UPP1: variants seen among roughly 807,000 people sequenced by gnomAD.
UPP1 encodes UPase 1.
In UPP1, 25 loss-of-function variants were observed where a neutral mutation model predicts 29.6. That is an observed-to-expected ratio of 0.85 (90% CI 0.62 to 1.18). The LOEUF is 1.18. UPP1 is among the 50% of genes most tolerant of loss of function. The probability of loss-of-function intolerance (pLI) is 0.00; values close to 1 mark genes in which losing one functional copy is unlikely to be tolerated. For synonymous variants in UPP1, 165 were observed against 159.8 expected (o/e 1.03, Z -0.25); for missense variants, 368 against 410.4 (o/e 0.90, Z 0.89).
At chr7:48,094,671 A>G in intron 2 of UPP1, 92 bp from the exon 3 acceptor site, 1 of 1,108,902 alleles carries the variant, frequency 9.0e-7, no homozygotes, top group Non-Finnish European at 1.4e-6. Context: ...ATTCCACTTC[A>G]TTGCACTGAC....
intron 2 of UPP1, among the ~76,000 whole-genome samples, chr7:48,094,418 A>G (rs1792015876): frequency 1.3e-5 from 2 of 151,998 alleles, no homozygotes; most frequent in Non-Finnish European, 1.5e-5. Flanking sequence ...GTTTCACTGT[A>G]TTGGACAGGC....
intron 2 of UPP1, among the ~76,000 whole-genome samples, chr7:48,094,120 A>G (rs1034088847): frequency 2.0e-5 from 3 of 152,156 alleles, no homozygotes; most frequent in Non-Finnish European, 4.4e-5. Context: ...AGATGGCACC[A>G]CTGCACTCCA....
rs1412409644 is a variant in UPP1, at chr7:48,108,081, C to T, written c.794-137C>T. Reference sequence around the variant, plus strand: ...CCTCCCGCACTCCATCCTCCGGCCCCGCCTGACTGCATGGGCAGCCTGGTT... The same window carrying T: ...CCTCCCGCACTCCATCCTCCGGCCCTGCCTGACTGCATGGGCAGCCTGGTT... On this transcript the variant is annotated intron_variant, in intron 8 of 8. Transcript: ENST00000395564. 8.3e-6 allele frequency: 11 copies of T among 1,322,368 alleles called. No individual in the cohort carries two copies. The South Asian group carries it at 8.6e-5, about 10-fold the overall frequency. 81.9% of individuals were successfully genotyped at this position (1,322,368 alleles called of 1,614,324 possible). A position where few individuals can be genotyped will look rare whatever the true frequency, so the allele number is the denominator to read the frequency against.
chr7:48,106,919 C>G lies in UPP1; in HGVS notation c.483C>G (p.Thr161=), dbSNP rs546031012. 18 of 1,613,706 alleles carry G rather than the reference C, an allele frequency of 1.1e-5. No individual in the cohort carries two copies. The African/African-American group carries it at 1.3e-4, about 12-fold the overall frequency. The change falls in exon 7 of 9, where the codon ACC becomes ACG. Residue 161 remains threonine, a synonymous_variant. Transcript: ENST00000395564. ...TVVITEQAVD[T]CFKAEFEQIV... is the part of the protein sequence containing the mutation. ...TCATAACAGAGCAGGCAGTGGATACCTGCTTCAAGGCAGAGTTTGAGCAGA... is the reference window on the plus strand; with the variant it reads ...TCATAACAGAGCAGGCAGTGGATACGTGCTTCAAGGCAGAGTTTGAGCAGA...
At chr7:48,094,929 A>T in intron 3 of UPP1, 102 bp downstream of exon 3, 1 of 1,330,868 alleles carries the variant, frequency 7.5e-7, no homozygotes, top group East Asian at 2.5e-5. Context: ...ATATATTAAC[A>T]CATTTGATGC....
intron 8 of UPP1, 41 bp from the exon 9 acceptor site, chr7:48,108,177 C>T: frequency 1.3e-6 from 2 of 1,590,356 alleles, no homozygotes; most frequent in Non-Finnish European, 1.7e-6. Flanking sequence ...AAATGTTAGA[C>T]CCCCGGCACC....
rs1260505617 is a variant in UPP1, at chr7:48,094,765, T to C, written c.-19T>C. ...ATTCTGTGATTTTTTTTCCTTAGGGTCCTGCCTCAGTTGGCGGAATGGCGG... is the reference window on the plus strand; with the variant it reads ...ATTCTGTGATTTTTTTTCCTTAGGGCCCTGCCTCAGTTGGCGGAATGGCGG... On this transcript the variant is annotated splice_region_variant and 5_prime_UTR_variant, in exon 3 of 9. Coordinates refer to ENST00000395564, the MANE Select transcript of UPP1 (RefSeq NM_003364.4). 6.2e-7 allele frequency: 1 copy of C among 1,614,050 alleles called. No individual in the cohort carries two copies. The highest frequency in any genetic ancestry group is 1.7e-5 in the Admixed American group (1 of 60,000).
intron 7 of UPP1, 42 bp downstream of exon 7, chr7:48,107,124 C>T (rs765033628): frequency 6.2e-7 from 1 of 1,602,310 alleles, no homozygotes; most frequent in African/African-American, 1.3e-5. Context: ...AGCCAGGGAA[C>T]CCTGGTCCGT....
chr7:48,092,704 C>CTTT (rs1207379327), intron 2 of UPP1, among the ~76,000 whole-genome samples: 1 of 136,066 alleles, frequency 7.3e-6, no homozygotes. Context: ...CTGTTTGTTT[C>CTTT]TTTTTTTTTT....
At chr7:48,099,844 A>G (rs1792326858) in intron 4 of UPP1, 57 bp downstream of exon 4, 9 of 1,152,774 alleles carry the variant, frequency 7.8e-6, no homozygotes, top group South Asian at 4.9e-5. Context: ...CTCCCCCTAT[A>G]TTATACAGGT....
intron 6 of UPP1, chr7:48,106,572 A>T (rs149757934): frequency 3.0e-4 from 98 of 328,136 alleles, no homozygotes; most frequent in Non-Finnish European, 5.0e-4. Flanking sequence ...TGGCCTCCCA[A>T]AGTGCTTGGG....
intron 2 of UPP1, among the ~76,000 whole-genome samples, chr7:48,094,538 T>C (rs2128809448): frequency 6.6e-6 from 1 of 152,256 alleles, no homozygotes; most frequent in East Asian, 1.9e-4. Flanking sequence ...CACTTAGGCT[T>C]TTGGCACATT....
chr7:48,107,045 G>A lies in UPP1; in HGVS notation c.609G>A (p.Val203=). Residue 203 remains valine, a synonymous_variant, in exon 7 of 9, where the codon GTG becomes GTA. Coordinates refer to ENST00000395564, the MANE Select transcript of UPP1 (RefSeq NM_003364.4). ...CSAELSEFTT[V]VGNTMCTLDF... ...CAGAGCTGAGCGAGTTCACCACAGTGGTGGGGAACACCATGTGCACCTTGG... is the reference window on the plus strand; with the variant it reads ...CAGAGCTGAGCGAGTTCACCACAGTAGTGGGGAACACCATGTGCACCTTGG... 6.2e-7 allele frequency: 1 copy of A among 1,612,306 alleles called. No homozygotes were observed. Among genetic ancestry groups the A allele is most frequent in the Admixed American group, 1.7e-5 (1 of 60,018 alleles).
At chr7:48,103,211 A>C (rs1792528303) in intron 5 of UPP1, 86 bp from the exon 6 acceptor site, 1 of 990,038 alleles carries the variant, frequency 1.0e-6, no homozygotes, top group Non-Finnish European at 1.6e-6. Context: ...GGCATGTTAG[A>C]TTGAATTACA....
intron 2 of UPP1, among the ~76,000 whole-genome samples, 181 bp downstream of exon 2, chr7:48,090,545 C>T (rs1328207542): frequency 5.3e-5 from 8 of 152,186 alleles, no homozygotes; most frequent in Non-Finnish European, 1.2e-4. Flanking sequence ...TCATTTTCTG[C>T]CTTCCTGGGG....
intron 2 of UPP1, among the ~76,000 whole-genome samples, chr7:48,090,865 C>T (rs1791791478): frequency 6.6e-6 from 1 of 152,168 alleles, no homozygotes; most frequent in African/African-American, 2.4e-5. Flanking sequence ...ACAGGTGTAT[C>T]GAGCACAAAT....
At position 48,108,486 on chromosome 7, in the gene UPP1, GAC is replaced by G. The variant is rs1792896318; in HGVS notation, c.*131_*132del. On this transcript the variant is annotated 3_prime_UTR_variant, in exon 9 of 9. Transcript: ENST00000395564. The stretch of plus-strand genomic sequence containing the variant: ...CTAGAAAATCAGATCGCGATTAAGA[GAC>G]AGAGAATCTTGGATTAACCGCATGG... The G allele has an allele frequency of 1.7e-6, 2 of 1,155,294 alleles. No individual in the cohort carries two copies. Among genetic ancestry groups the G allele is most frequent in the African/African-American group, 3.1e-5 (2 of 64,464 alleles). The allele number at this position is 1,155,294 out of a possible 1,614,324, so 71.6% of individuals were successfully genotyped here.
At chr7:48,098,189 A>G (rs914834920) in intron 3 of UPP1, among the ~76,000 whole-genome samples, 3 of 152,112 alleles carry the variant, frequency 2.0e-5, no homozygotes, top group East Asian at 3.9e-4. Context: ...TATGTTTTCT[A>G]TATCAGCCTT....
At chr7:48,106,709 G>C (rs1201177559) in intron 6 of UPP1, 164 bp from the exon 7 acceptor site, 1 of 627,770 alleles carries the variant, frequency 1.6e-6, no homozygotes, top group African/African-American at 1.8e-5. Flanking sequence ...TGGGAAAAAT[G>C]GGTCACTGTG....
Sources: allele counts gnomAD v4.1 joint callset (sites outside exome capture counted in the v4.1 genomes callset), GRCh38; gene constraint gnomAD v4.1.1; transcripts MANE v1.5; gene names NCBI Gene and HGNC (gene_info 2026-07-23, HGNC 2026-07-21).